SYNPO2: variants seen among roughly 807,000 people sequenced by gnomAD.
SYNPO2 encodes synaptopodin 2, also known as synaptopodin-2.
In SYNPO2, 56 loss-of-function variants were observed where a neutral mutation model predicts 85.0. The observed-to-expected ratio is 0.66, with a 90% confidence interval of 0.53 to 0.82. SYNPO2 has a LOEUF of 0.82. SYNPO2 is among the 40% of genes least tolerant of loss of function. SYNPO2 has a pLI of 0.00. For missense variants in SYNPO2, 1,575 were observed against 1,534.2 expected (o/e 1.03, Z -0.44); for synonymous variants, 602 against 591.1 (o/e 1.02, Z -0.27).
Position 118,900,703 on chromosome 4 carries a change from C to CTCTCTATATATA in SYNPO2, c.105+11563_105+11564insCTCTATATATAT, listed in dbSNP as rs1277981772. On this transcript the variant is annotated intron_variant, in intron 1 of 4. Transcript: ENST00000307142. ...TCTCTCTCTCTCTCTCTCTCTCTCT[C>CTCTCTATATATA]TATATATATATATATATATATATAT... Among the ~76,000 whole-genome samples the CTCTCTATATATA allele has an allele frequency of 1.4e-3, 63 of 43,860 alleles. 1 individual carries two copies. Among genetic ancestry groups the CTCTCTATATATA allele is most frequent in the East Asian group, 6.1e-3 (8 of 1,308 alleles). The allele number at this position is 43,860 out of a possible 152,430, so 28.8% of individuals were successfully genotyped here. A position where few individuals can be genotyped will look rare whatever the true frequency, so the allele number is the denominator to read the frequency against.
chr4:118,964,123 T>A (rs1424807851), intron 1 of SYNPO2, among the ~76,000 whole-genome samples: 1 of 152,064 alleles, frequency 6.6e-6, no homozygotes, highest in Non-Finnish European at 1.5e-5. Flanking sequence ...CAAGGAAGTT[T>A]TGGGGGATAA....
intron 1 of SYNPO2, among the ~76,000 whole-genome samples, chr4:118,964,510 AAC>A (rs1269870624): frequency 6.6e-6 from 1 of 152,050 alleles, no homozygotes; most frequent in Admixed American, 6.6e-5. Flanking sequence ...TAAAAAAAAA[AAC>A]AATTAAAAAC....
chr4:118,904,714 A>G (rs1732875975), intron 1 of SYNPO2, among the ~76,000 whole-genome samples: 1 of 152,194 alleles, frequency 6.6e-6, no homozygotes, highest in Non-Finnish European at 1.5e-5. Flanking sequence ...AAATGATAAT[A>G]CATTCAACTC....
At chr4:118,984,955 T>C (rs1353254263) in intron 1 of SYNPO2, among the ~76,000 whole-genome samples, 1 of 152,212 alleles carries the variant, frequency 6.6e-6, no homozygotes, top group Non-Finnish European at 1.5e-5. Flanking sequence ...TTTACTATTG[T>C]TTGTCATTGA....
chr4:118,874,801 A>G (rs917482982), intron 1 of SYNPO2, among the ~76,000 whole-genome samples: 30 of 152,370 alleles, frequency 2.0e-4, no homozygotes, highest in African/African-American at 6.7e-4. Context: ...AAAAGATGAA[A>G]AATACCACAA....
chr4:118,894,012 A>G (rs1048528212), intron 1 of SYNPO2, among the ~76,000 whole-genome samples: 2 of 150,866 alleles, frequency 1.3e-5, no homozygotes, highest in South Asian at 4.2e-4. Context: ...AATAAAATAA[A>G]ACTTAAAAAA....
At position 119,027,089 on chromosome 4, in the gene SYNPO2, C is replaced by A; in HGVS notation, c.720C>A (p.His240Gln). The A allele has an allele frequency of 1.9e-6, 3 of 1,614,164 alleles. No homozygotes were observed. The highest frequency in any genetic ancestry group is 2.5e-6 in the Non-Finnish European group (3 of 1,180,042). ...ACTTGTCACATGACAGGATTGTCCA[C>A]ATAAATTCGATCCCTACTAATGAGA... ...DPNLSHDRIVHINSIPTNEKA... is the reference protein window; with the variant it reads ...DPNLSHDRIVQINSIPTNEKA... The change falls in exon 3 of 5, where the codon CAC becomes CAA. Residue 240 changes from histidine (H) to glutamine (Q), a missense_variant. By Grantham distance (24) the His-to-Gln change is conservative. This residue lies in a region of SYNPO2 where 1,508 missense variants were observed against 1,446.8 expected (regional missense o/e 1.04). Transcript: ENST00000307142.
chr4:119,010,689 T>TA, intron 1 of SYNPO2, among the ~76,000 whole-genome samples: 1 of 152,222 alleles, frequency 6.6e-6, no homozygotes, highest in Non-Finnish European at 1.5e-5. Flanking sequence ...TCATGTTGGG[T>TA]TGTAATTATC....
intron 1 of SYNPO2, among the ~76,000 whole-genome samples, chr4:118,914,104 G>T (rs1457455351): frequency 1.3e-5 from 2 of 152,096 alleles, no homozygotes; most frequent in South Asian, 2.1e-4. Flanking sequence ...GGAGAGGAGT[G>T]GACAGTAATT....
chr4:119,048,421 G>T (rs1452389468), intron 4 of SYNPO2, among the ~76,000 whole-genome samples: 1 of 152,198 alleles, frequency 6.6e-6, no homozygotes, highest in East Asian at 1.9e-4. Context: ...TTCTAGGGAA[G>T]CCTTAAGGAA....
intron 1 of SYNPO2, among the ~76,000 whole-genome samples, chr4:118,966,040 GTGAGACCC>G (rs1735305923): frequency 1.3e-5 from 2 of 152,054 alleles, no homozygotes; most frequent in African/African-American, 4.8e-5. Context: ...GGGTGACACG[GTGAGACCC>G]TGTCTAAATA....
intron 3 of SYNPO2, among the ~76,000 whole-genome samples, chr4:119,028,317 C>T (rs181660583): frequency 3.1e-4 from 47 of 150,978 alleles, no homozygotes; most frequent in African/African-American, 1.0e-3. Flanking sequence ...TACACAATGG[C>T]AATGAATTCG....
intron 1 of SYNPO2, among the ~76,000 whole-genome samples, chr4:118,992,490 G>T (rs1736451811): frequency 6.6e-6 from 1 of 152,102 alleles, no homozygotes; most frequent in Non-Finnish European, 1.5e-5. Flanking sequence ...TCACTTGTCA[G>T]GTAGCCTCTG....
intron 1 of SYNPO2, among the ~76,000 whole-genome samples, chr4:118,889,573 G>C (rs1181593015): frequency 6.6e-6 from 1 of 152,192 alleles, no homozygotes; most frequent in Non-Finnish European, 1.5e-5. Context: ...CATATAGAGT[G>C]TTGGTAGTGA....
At chr4:119,035,431 T>G (rs1316497080) in intron 4 of SYNPO2, 1 of 985,278 alleles carries the variant, frequency 1.0e-6, no homozygotes, top group Admixed American at 6.2e-5. Flanking sequence ...TTTTGACACA[T>G]CCTGTTTTTT....
At chr4:119,017,967 C>A in intron 1 of SYNPO2, among the ~76,000 whole-genome samples, 1 of 152,038 alleles carries the variant, frequency 6.6e-6, no homozygotes, top group East Asian at 1.9e-4. Flanking sequence ...GAAGAGAGAA[C>A]AACACAAGAG....
At chr4:118,892,186 C>T (rs1161769971) in intron 1 of SYNPO2, among the ~76,000 whole-genome samples, 2 of 152,064 alleles carry the variant, frequency 1.3e-5, no homozygotes, top group Admixed American at 6.6e-5. Flanking sequence ...AGATAAATAA[C>T]AGGAATATTC....
chr4:118,900,725 ATATATATGTCTGTC>A (rs1295434500), intron 1 of SYNPO2, among the ~76,000 whole-genome samples: 1 of 104,450 alleles, frequency 9.6e-6, no homozygotes, highest in African/African-American at 3.4e-5. Context: ...ATATATATAT[ATATATATGTCTGTC>A]TGTCTATCTA....
At chr4:118,895,260 G>T (rs925642389) in intron 1 of SYNPO2, among the ~76,000 whole-genome samples, 2 of 152,112 alleles carry the variant, frequency 1.3e-5, no homozygotes, top group Non-Finnish European at 2.9e-5. Flanking sequence ...GTGGCTCCAG[G>T]GTGTGGCATG....
Sources: allele counts gnomAD v4.1 joint callset (sites outside exome capture counted in the v4.1 genomes callset), GRCh38; gene constraint gnomAD v4.1.1; regional missense constraint gnomAD v4.1.1; transcripts MANE v1.5; gene names NCBI Gene and HGNC (gene_info 2026-07-23, HGNC 2026-07-21).